The following TMEM117 variants were observed in gnomAD, a reference collection of about 807,000 sequenced individuals.
The protein encoded by TMEM117 is transmembrane protein 117.
A neutral mutation model predicts 52.4 loss-of-function variants in TMEM117; 27 were observed. That is an observed-to-expected ratio of 0.51 (90% CI 0.38 to 0.71). The LOEUF (loss-of-function observed/expected upper bound fraction) is 0.71, where lower values mean the gene tolerates loss of function less well. Ranked by LOEUF, TMEM117 falls within the 30% of genes least tolerant of loss-of-function variation. The pLI is 0.00. For missense variants in TMEM117, 556 were observed against 630.5 expected (o/e 0.88, Z 1.26); for synonymous variants, 215 against 206.3 (o/e 1.04, Z -0.36).
chr12:44,032,276 T>C (rs897926306), intron 3 of TMEM117, among the ~76,000 whole-genome samples: 1 of 152,256 alleles, frequency 6.6e-6, no homozygotes. Flanking sequence ...GATTTGTCTT[T>C]AGTAAAGATG....
At chr12:44,269,753 A>G (rs1301307212) in intron 5 of TMEM117, among the ~76,000 whole-genome samples, 3 of 152,236 alleles carry the variant, frequency 2.0e-5, no homozygotes, top group Non-Finnish European at 2.9e-5. Context: ...CCAAGTCCTC[A>G]TTGGGTCAAA....
chr12:44,103,663 A>C (rs1947902314), intron 3 of TMEM117, among the ~76,000 whole-genome samples: 1 of 151,980 alleles, frequency 6.6e-6, no homozygotes, highest in Non-Finnish European at 1.5e-5. Flanking sequence ...GCAGTCCTGA[A>C]ACTTTGCATG....
At chr12:44,039,851 T>C (rs150081284) in intron 3 of TMEM117, among the ~76,000 whole-genome samples, 1,533 of 152,292 alleles carry the variant, frequency 0.01, 12 homozygotes, top group Middle Eastern at 0.031. Context: ...CTCCTTGATA[T>C]AAATGATAAC....
intron 2 of TMEM117, among the ~76,000 whole-genome samples, chr12:43,871,885 A>G (rs891333959): frequency 4.6e-5 from 7 of 152,210 alleles, no homozygotes; most frequent in Admixed American, 2.0e-4. Flanking sequence ...AAAAATATAC[A>G]TATCAGTTGA....
chr12:43,977,176 C>T (rs893009393), intron 3 of TMEM117, among the ~76,000 whole-genome samples: 1 of 152,134 alleles, frequency 6.6e-6, no homozygotes, highest in African/African-American at 2.4e-5. Flanking sequence ...GAGAGTATAG[C>T]AAGGAACAGA....
At chr12:44,125,281 G>A (rs1378328041) in intron 3 of TMEM117, among the ~76,000 whole-genome samples, 1 of 151,998 alleles carries the variant, frequency 6.6e-6, no homozygotes, top group African/African-American at 2.4e-5. Context: ...ATTCTTTTTT[G>A]TATTTTTAGT....
intron 2 of TMEM117, among the ~76,000 whole-genome samples, chr12:43,886,124 A>G (rs1943989888): frequency 6.6e-6 from 1 of 152,182 alleles, no homozygotes; most frequent in African/African-American, 2.4e-5. Context: ...GATAGATGGT[A>G]TAGATCACTT....
At chr12:44,084,522 G>A (rs1947534733) in intron 3 of TMEM117, among the ~76,000 whole-genome samples, 1 of 151,984 alleles carries the variant, frequency 6.6e-6, no homozygotes, top group South Asian at 2.1e-4. Flanking sequence ...ACAGTAAGAG[G>A]CAAATGTATT....
intron 5 of TMEM117, among the ~76,000 whole-genome samples, chr12:44,267,163 T>G (rs1950388241): frequency 6.6e-6 from 1 of 152,110 alleles, no homozygotes; most frequent in Non-Finnish European, 1.5e-5. Flanking sequence ...ATATATTTCT[T>G]TTTATCTTCG....
chr12:43,977,528 G>C (rs1484660713), intron 3 of TMEM117, among the ~76,000 whole-genome samples: 2 of 152,170 alleles, frequency 1.3e-5, no homozygotes, highest in Non-Finnish European at 2.9e-5. Context: ...TATGTCTAGA[G>C]AGGTTTTAGC....
chr12:43,806,480 G>T, the TMEM117 span: 2 of 860,142 alleles, frequency 2.3e-6, no homozygotes, highest in Non-Finnish European at 2.9e-6. Flanking sequence ...TCTCTGCTTG[G>T]GGTCCTGCTT....
At chr12:44,319,415 C>A (rs1263457406) in intron 6 of TMEM117, among the ~76,000 whole-genome samples, 1 of 152,134 alleles carries the variant, frequency 6.6e-6, no homozygotes, top group East Asian at 1.9e-4. Context: ...CAGAGGGAGG[C>A]TCTCTGCCCA....
At chr12:44,030,405 G>C (rs576357707) in intron 3 of TMEM117, among the ~76,000 whole-genome samples, 55 of 152,278 alleles carry the variant, frequency 3.6e-4, no homozygotes, top group African/African-American at 1.3e-3. Flanking sequence ...CTTCTGCCTG[G>C]TGTGTCCTAG....
At chr12:44,187,431 AT>A (rs1419070671) in intron 4 of TMEM117, among the ~76,000 whole-genome samples, 1 of 152,166 alleles carries the variant, frequency 6.6e-6, no homozygotes, top group Non-Finnish European at 1.5e-5. Context: ...TTAGCCTGAT[AT>A]TCACTTGTTA....
chr12:44,211,111 G>A (rs560775089), intron 4 of TMEM117, among the ~76,000 whole-genome samples, 179 bp from the exon 5 acceptor site: 4 of 152,118 alleles, frequency 2.6e-5, no homozygotes, highest in East Asian at 1.9e-4. Context: ...ATGTACAGTC[G>A]AAGAAACTAT....
the TMEM117 span, among the ~76,000 whole-genome samples, chr12:43,798,175 A>G: frequency 6.6e-6 from 1 of 152,262 alleles, no homozygotes; most frequent in African/African-American, 2.4e-5. Context: ...ATAAACAACA[A>G]TCTACATACA....
chr12:44,089,066 T>C (rs1361196216), intron 3 of TMEM117, among the ~76,000 whole-genome samples: 1 of 152,192 alleles, frequency 6.6e-6, no homozygotes, highest in East Asian at 1.9e-4. Context: ...CTGTTGCTGC[T>C]CAGGGCTTTG....
At chr12:44,101,160 T>G (rs894621158) in intron 3 of TMEM117, among the ~76,000 whole-genome samples, 1 of 148,678 alleles carries the variant, frequency 6.7e-6, no homozygotes, top group Non-Finnish European at 1.5e-5. Context: ...AGGCCCCACC[T>G]CCTAATACCA....
At chr12:44,325,928 A>AG (rs1277737390) in intron 6 of TMEM117, among the ~76,000 whole-genome samples, 1 of 152,154 alleles carries the variant, frequency 6.6e-6, no homozygotes, top group Non-Finnish European at 1.5e-5. Flanking sequence ...TGGGTGTCCA[A>AG]GGGGGGCAGA....
Sources: allele counts gnomAD v4.1 joint callset (sites outside exome capture counted in the v4.1 genomes callset), GRCh38; gene constraint gnomAD v4.1.1; transcripts MANE v1.5; gene names NCBI Gene and HGNC (gene_info 2026-07-23, HGNC 2026-07-21).